The following PEMT variants were observed in gnomAD, a reference collection of about 807,000 sequenced individuals.
PEMT encodes phospholipid methyltransferase.
A neutral mutation model predicts 27.4 loss-of-function variants in PEMT; 23 were observed. The ratio of observed to expected loss-of-function variants is 0.84; its 90% CI spans 0.60 to 1.19. The LOEUF is 1.19. Among genes scored for constraint, PEMT ranks in the 50% most tolerant of loss-of-function variants. The pLI, the probability that PEMT is intolerant of heterozygous loss-of-function variation, is 0.00. For synonymous variants in PEMT, 137 were observed against 139.1 expected (o/e 0.98, Z 0.11); for missense variants, 307 against 310.1 (o/e 0.99, Z 0.07).
intron 2 of PEMT, among the ~76,000 whole-genome samples, chr17:17,573,481 A>G (rs1335671184): frequency 1.3e-5 from 2 of 151,786 alleles, no homozygotes; most frequent in Non-Finnish European, 2.9e-5. Flanking sequence ...AAAAAAAAAA[A>G]GAAAAATTCA....
At chr17:17,516,885 G>A (rs4646404) in intron 3 of PEMT, among the ~76,000 whole-genome samples, 36,674 of 151,942 alleles carry the variant, frequency 0.24, 5,437 homozygotes, top group Middle Eastern at 0.35. Context: ...CCGCCCAGTG[G>A]CTACCCCAGG....
rs193121658 is a variant in PEMT at position 17,567,593 on chromosome 17, C to A, written c.204+9327G>T. On this transcript the variant is annotated intron_variant, in intron 2 of 6. Coordinates refer to ENST00000255389, the MANE Select transcript of PEMT (RefSeq NM_148172.3). ...GGGGAGTGAGCGTGGGCACTGGGGA[C>A]AAGGCACTGACTGTCCCCAGCCATG... Among the ~76,000 whole-genome samples the A allele has an allele frequency of 4.6e-5, 7 of 152,372 alleles. No homozygotes were observed. The East Asian group carries it at 1.2e-3, about 25-fold the overall frequency.
At chr17:17,534,353 T>C (rs1279940776) in intron 2 of PEMT, among the ~76,000 whole-genome samples, 18 of 152,230 alleles carry the variant, frequency 1.2e-4, no homozygotes, top group Admixed American at 9.8e-4. Context: ...TAGAGTATAC[T>C]GTATGATTCC....
At chr17:17,515,130 C>A (rs114727915) in intron 3 of PEMT, among the ~76,000 whole-genome samples, 1 of 152,168 alleles carries the variant, frequency 6.6e-6, no homozygotes, top group Non-Finnish European at 1.5e-5. Context: ...GAGACTCTGT[C>A]GCTCTTACCC....
At chr17:17,558,442 G>A (rs1241664279) in intron 2 of PEMT, among the ~76,000 whole-genome samples, 1 of 151,948 alleles carries the variant, frequency 6.6e-6, no homozygotes. Flanking sequence ...TGGGAGGCAG[G>A]GGTTGCAGTG....
intron 2 of PEMT, among the ~76,000 whole-genome samples, chr17:17,549,068 A>C (rs1199377184): frequency 1.3e-5 from 2 of 152,166 alleles, no homozygotes; most frequent in Non-Finnish European, 2.9e-5. Flanking sequence ...GTACAGTGGC[A>C]CAATCACAGC....
chr17:17,509,269 T>C (rs191595459), intron 5 of PEMT, among the ~76,000 whole-genome samples, 165 bp downstream of exon 5: 3 of 152,366 alleles, frequency 2.0e-5, no homozygotes, highest in Non-Finnish European at 4.4e-5. Flanking sequence ...TTACCATAGA[T>C]AAGACGCTTC....
At chr17:17,514,360 T>C (rs1906636170) in intron 3 of PEMT, among the ~76,000 whole-genome samples, 1 of 152,248 alleles carries the variant, frequency 6.6e-6, no homozygotes, top group African/African-American at 2.4e-5. Context: ...AATGGATGTT[T>C]AGTGCATATT....
rs1228106737 is a variant in PEMT, at chr17:17,584,315, A to G, written c.96+7216T>C. Among the ~76,000 whole-genome samples, 2 of 152,036 alleles carry G rather than the reference A, an allele frequency of 1.3e-5. 1 individual carries two copies. The highest frequency in any genetic ancestry group is 2.9e-5 in the Non-Finnish European group (2 of 68,006). The stretch of plus-strand genomic sequence containing the variant: ...GCTGGGACTACAGGCGCCCGCCACC[A>G]TGCCCAGCTATTTTTTTGTATTTTT... On this transcript the variant is annotated intron_variant, in intron 1 of 6. Transcript: ENST00000255389.
At chr17:17,511,311 C>T (rs1038899657) in intron 4 of PEMT, among the ~76,000 whole-genome samples, 6 of 152,242 alleles carry the variant, frequency 3.9e-5, no homozygotes, top group Non-Finnish European at 8.8e-5. Flanking sequence ...CTCCCTACAG[C>T]GTCTGCCTGA....
At position 17,522,358 on chromosome 17, in the gene PEMT, C is replaced by A; in HGVS notation, c.242G>T (p.Arg81Met). Residue 81 changes from arginine to methionine, a missense_variant, in exon 3 of 7, where the codon AGG becomes ATG. Arg to Met is a moderately conservative substitution (Grantham distance 91). Coordinates refer to ENST00000255389, the MANE Select transcript of PEMT (RefSeq NM_148172.3). ...RWEHKTRKLSRAFGSPYLACY... is the reference protein window; with the variant it reads ...RWEHKTRKLSMAFGSPYLACY... ...GGCCAGGTAGGGGGATCCGAAGGCC[C>A]TGCTCAGCTTGCGGGTCTTGTGTTC... 6.2e-7 allele frequency: 1 copy of A among 1,613,788 alleles called. No individual in the cohort carries two copies. The highest frequency in any genetic ancestry group is 8.5e-7 in the Non-Finnish European group (1 of 1,179,898).
intron 1 of PEMT, among the ~76,000 whole-genome samples, chr17:17,577,643 G>T (rs1303276858): frequency 6.6e-6 from 1 of 151,342 alleles, no homozygotes; most frequent in Non-Finnish European, 1.5e-5. Context: ...AAACAACTTA[G>T]GTGTCCAGCA....
At chr17:17,548,517 A>T (rs999828112) in intron 2 of PEMT, among the ~76,000 whole-genome samples, 1 of 152,056 alleles carries the variant, frequency 6.6e-6, no homozygotes, top group Non-Finnish European at 1.5e-5. Context: ...GGCTAAATTC[A>T]TACCAGAGTC....
rs1036736248 is a variant in PEMT at position 17,582,742 on chromosome 17, T to C, written c.97-5715A>G. 1.3e-5 allele frequency among the ~76,000 whole-genome samples: 2 copies of C among 152,138 alleles called. No individual in the cohort carries two copies. The highest frequency in any genetic ancestry group is 4.8e-5 in the African/African-American group (2 of 41,428). On this transcript the variant is annotated intron_variant, in intron 1 of 6. Coordinates refer to ENST00000255389, the MANE Select transcript of PEMT (RefSeq NM_148172.3). The surrounding 1 kb of genome is among the most constrained non-coding windows in gnomAD (Gnocchi z 4.9). The stretch of plus-strand genomic sequence containing the variant: ...TGTGCCTGGCACAAAGACATAAGGA[T>C]GAGTGTGCCAGAGTCTTTTTCCTCT...
chr17:17,590,899 G>A, intron 1 of PEMT, among the ~76,000 whole-genome samples: 1 of 152,194 alleles, frequency 6.6e-6, no homozygotes, highest in East Asian at 1.9e-4. Context: ...AGCCTCAGCA[G>A]GCAAGCCAGG....
At chr17:17,575,645 C>T (rs937635288) in intron 2 of PEMT, among the ~76,000 whole-genome samples, 1 of 152,202 alleles carries the variant, frequency 6.6e-6, no homozygotes, top group South Asian at 2.1e-4. Flanking sequence ...TACAGGTGCT[C>T]CCCAGCCCAG....
chr17:17,552,826 C>A (rs4646382), intron 2 of PEMT, among the ~76,000 whole-genome samples: 3,396 of 152,324 alleles, frequency 0.022, 114 homozygotes, highest in East Asian at 0.1. Context: ...CGTGTCTCAG[C>A]GCTGACAGTG....
intron 2 of PEMT, among the ~76,000 whole-genome samples, chr17:17,551,432 G>T (rs1909644585): frequency 6.6e-6 from 1 of 152,202 alleles, no homozygotes; most frequent in Admixed American, 6.5e-5. Context: ...GCTGACAGGC[G>T]CCTCTGAGGC....
intron 2 of PEMT, among the ~76,000 whole-genome samples, chr17:17,527,702 A>G (rs1026337322): frequency 1.1e-4 from 16 of 152,190 alleles, no homozygotes; most frequent in African/African-American, 3.6e-4. Flanking sequence ...AAAGGGTGAG[A>G]GTCAAGAGGC....
Sources: gnomAD v4.1 joint callset for allele counts (sites outside exome capture counted in the v4.1 genomes callset) on GRCh38, gnomAD v4.1.1 for gene constraint, Gnocchi (gnomAD v3.1) non-coding constraint, MANE v1.5 for transcripts, NCBI Gene and HGNC (gene_info 2026-07-23, HGNC 2026-07-21) for gene names.